Variants in CRYL1 observed in about 807,000 individuals in gnomAD.
CRYL1 encodes lambda-crystallin homolog.
In CRYL1, 29 loss-of-function variants were observed where a neutral mutation model predicts 36.6. That is an observed-to-expected ratio of 0.79 (90% confidence interval 0.59 to 1.08). The LOEUF (loss-of-function observed/expected upper bound fraction) is 1.08, where lower values mean the gene tolerates loss of function less well. Ranked by LOEUF, CRYL1 falls within the 50% of genes least tolerant of loss-of-function variation. The pLI, the probability that CRYL1 is intolerant of heterozygous loss-of-function variation, is 0.00. For missense variants in CRYL1, 411 were observed against 407.9 expected, an observed-to-expected ratio of 1.01 and a Z score of -0.06; for synonymous variants, 152 against 151.5, an observed-to-expected ratio of 1.00 and a Z score of -0.02.
At position 20,413,338 on chromosome 13, in the gene CRYL1, A is replaced by G; in HGVS notation, c.683T>C (p.Leu228Ser). The G allele has an allele frequency of 1.2e-6, 2 of 1,613,560 alleles. No homozygotes were observed. The highest frequency in any genetic ancestry group is 1.3e-5 in the African/African-American group (1 of 75,038). The change falls in exon 6 of 8, where the codon TTG becomes TCG. Residue 228 changes from leucine (L) to serine (S), a missense_variant. Transcript: ENST00000298248. ...TCCAATGAATGCATACCGCATGCCCAACCCTTCTGACATGACAAGGTCCAG... is the reference window on the plus strand; with the variant it reads ...TCCAATGAATGCATACCGCATGCCCGACCCTTCTGACATGACAAGGTCCAG... Reference protein sequence around the residue: ...SDLDLVMSEGLGMRYAFIGPL... With the variant: ...SDLDLVMSEGSGMRYAFIGPL...
At chr13:20,517,663 G>A (rs181700360) in intron 1 of CRYL1, among the ~76,000 whole-genome samples, 47 of 152,154 alleles carry the variant, frequency 3.1e-4, no homozygotes, top group South Asian at 8.3e-4. Flanking sequence ...GTGGCCGGGC[G>A]CAGTGGCTCA....
intron 2 of CRYL1, among the ~76,000 whole-genome samples, chr13:20,500,138 CGGAACTAATGGA>C (rs1486500408): frequency 1.3e-5 from 2 of 152,188 alleles, no homozygotes; most frequent in Non-Finnish European, 2.9e-5. Flanking sequence ...TCTGCATGGA[CGGAACTAATGGA>C]GGACTGAAAT....
At chr13:20,505,359 CAAAAAAAAAAAAA>C (rs61380702) in intron 2 of CRYL1, among the ~76,000 whole-genome samples, 3 of 91,222 alleles carry the variant, frequency 3.3e-5, no homozygotes, top group African/African-American at 1.1e-4. Context: ...TCTATCCCAC[CAAAAAAAAAAAAA>C]AAAAAAAAAA....
rs1315649821 is a variant in CRYL1, at chr13:20,435,960, A to T, written c.438+3633T>A. ...GGCGGCGCGCTCGCAGGGAGGGCTC[A>T]AAGGCAGCTCGGAGCGGCCGCAGGG... On this transcript the variant is annotated intron_variant, in intron 4 of 7. Coordinates refer to ENST00000298248, the MANE Select transcript of CRYL1 (RefSeq NM_015974.3). The surrounding 1 kb of genome is among the most constrained non-coding windows in gnomAD (Gnocchi z 4.0). Among the ~76,000 whole-genome samples the T allele has an allele frequency of 2.0e-5, 3 of 152,214 alleles. No homozygotes were observed. The highest frequency in any genetic ancestry group is 7.2e-5 in the African/African-American group (3 of 41,470).
At chr13:20,508,840 C>T (rs1357983308) in intron 2 of CRYL1, among the ~76,000 whole-genome samples, 2 of 102,146 alleles carry the variant, frequency 2.0e-5, no homozygotes, top group Non-Finnish European at 3.5e-5. Context: ...GGTGGCAGAG[C>T]GAGACTCCAA....
intron 6 of CRYL1, among the ~76,000 whole-genome samples, chr13:20,411,861 C>T (rs183990557): frequency 2.3e-3 from 345 of 152,316 alleles, no homozygotes; most frequent in Non-Finnish European, 2.7e-3. Flanking sequence ...AGAGAACACA[C>T]GGCCCATCCA....
chr13:20,471,789 T>C (rs2033066758), intron 3 of CRYL1, among the ~76,000 whole-genome samples: 1 of 151,460 alleles, frequency 6.6e-6, no homozygotes, highest in Admixed American at 6.6e-5. Flanking sequence ...GGTCCCTGAT[T>C]TTTTTCTTTC....
chr13:20,431,713 A>C, intron 5 of CRYL1: 1 of 1,154,346 alleles, frequency 8.7e-7, no homozygotes, highest in African/African-American at 1.6e-5. Context: ...AGGAGACAGA[A>C]GTTTACACAA....
intron 3 of CRYL1, among the ~76,000 whole-genome samples, chr13:20,474,498 C>G (rs1292968174): frequency 6.6e-6 from 1 of 152,202 alleles, no homozygotes. Flanking sequence ...CAGTCAGCCC[C>G]TATTTGACAA....
At chr13:20,493,590 G>A (rs182908149) in intron 2 of CRYL1, among the ~76,000 whole-genome samples, 1 of 152,258 alleles carries the variant, frequency 6.6e-6, no homozygotes, top group Non-Finnish European at 1.5e-5. Context: ...AACCTGGGAG[G>A]TGGATATTTC....
At chr13:20,437,184 G>T in intron 4 of CRYL1, among the ~76,000 whole-genome samples, 1 of 151,910 alleles carries the variant, frequency 6.6e-6, no homozygotes, top group East Asian at 1.9e-4. Flanking sequence ...GAGAGAGAGA[G>T]GTGGGCAGCT....
At chr13:20,431,362 T>A (rs1270097403) in intron 5 of CRYL1, 1 of 985,280 alleles carries the variant, frequency 1.0e-6, no homozygotes, top group African/African-American at 1.7e-5. Context: ...ACAATGTTTT[T>A]GCAACACAGG....
chr13:20,423,277 G>T (rs1181070578), intron 5 of CRYL1, among the ~76,000 whole-genome samples: 2 of 152,104 alleles, frequency 1.3e-5, no homozygotes, highest in Non-Finnish European at 2.9e-5. Flanking sequence ...TTGCCTAATT[G>T]CTATGGCTAG....
intron 5 of CRYL1, chr13:20,430,107 T>C (rs1209294110): frequency 2.6e-6 from 2 of 757,250 alleles, no homozygotes; most frequent in African/African-American, 1.9e-5. Context: ...GGTAGTGCCA[T>C]TCCCACCCCA....
intron 6 of CRYL1, 26 bp downstream of exon 6, chr13:20,413,256 T>C: frequency 6.8e-7 from 1 of 1,474,722 alleles, no homozygotes; most frequent in South Asian, 1.2e-5. Context: ...TAGAATGGAA[T>C]TCCCATCCTG....
intron 5 of CRYL1, among the ~76,000 whole-genome samples, chr13:20,422,268 G>C (rs1305017713): frequency 6.6e-6 from 1 of 151,054 alleles, no homozygotes; most frequent in East Asian, 2.0e-4. Context: ...GCTGAGGCAG[G>C]AGAAGCCTTT....
chr13:20,518,107 G>A (rs922175710), intron 1 of CRYL1, among the ~76,000 whole-genome samples: 4 of 151,954 alleles, frequency 2.6e-5, no homozygotes, highest in Admixed American at 6.6e-5. Flanking sequence ...ACGAGATAAC[G>A]GTCAGCTGGC....
chr13:20,511,747 C>T (rs1169101452), intron 2 of CRYL1, among the ~76,000 whole-genome samples: 5 of 152,204 alleles, frequency 3.3e-5, no homozygotes, highest in South Asian at 2.1e-4. Flanking sequence ...GGGTGCTCCA[C>T]GCCAGTGCCT....
At chr13:20,453,038 T>C (rs1325354428) in intron 3 of CRYL1, among the ~76,000 whole-genome samples, 5 of 152,202 alleles carry the variant, frequency 3.3e-5, no homozygotes, top group Non-Finnish European at 2.9e-5. Context: ...CCTCAATAAC[T>C]TTCTTTCTCA....
Sources: gnomAD v4.1 joint callset for allele counts (sites outside exome capture counted in the v4.1 genomes callset) on GRCh38, gnomAD v4.1.1 for gene constraint, Gnocchi (gnomAD v3.1) non-coding constraint, MANE v1.5 for transcripts, NCBI Gene and HGNC (gene_info 2026-07-23, HGNC 2026-07-21) for gene names.